Variants in HCN1 observed in about 807,000 individuals in gnomAD.
The protein encoded by HCN1 is potassium/sodium hyperpolarization-activated cyclic nucleotide-gated channel 1.
In HCN1, 13 loss-of-function variants were observed where a neutral mutation model predicts 78.9. The ratio of observed to expected loss-of-function variants is 0.16; its 90% CI spans 0.11 to 0.26. The LOEUF is 0.26. Ranked by LOEUF, HCN1 falls within the 10% of genes least tolerant of loss-of-function variation. The pLI is 1.00. For synonymous variants in HCN1, 552 were observed against 455.5 expected, an observed-to-expected ratio of 1.21 and a Z score of -2.70; for missense variants, 810 against 1,154.3, an observed-to-expected ratio of 0.70 and a Z score of 4.32.
intron 3 of HCN1, among the ~76,000 whole-genome samples, chr5:45,455,078 T>C (rs192338858): frequency 2.4e-3 from 361 of 152,112 alleles, no homozygotes; most frequent in African/African-American, 8.2e-3. Context: ...CGGTTTTTCA[T>C]AGATTTTATT....
At chr5:45,595,368 T>C (rs909775730) in intron 2 of HCN1, among the ~76,000 whole-genome samples, 11 of 152,128 alleles carry the variant, frequency 7.2e-5, no homozygotes, top group Non-Finnish European at 1.5e-4. Context: ...GACAGAGCCT[T>C]GCTCTGTTGC....
intron 2 of HCN1, among the ~76,000 whole-genome samples, chr5:45,532,865 G>A (rs1004464137): frequency 6.6e-6 from 1 of 152,132 alleles, no homozygotes; most frequent in African/African-American, 2.4e-5. Flanking sequence ...CCTTGCAAAT[G>A]GAACTTTGTG....
At chr5:45,497,545 C>G (rs1332871300) in intron 2 of HCN1, among the ~76,000 whole-genome samples, 2 of 151,848 alleles carry the variant, frequency 1.3e-5, no homozygotes, top group Non-Finnish European at 2.9e-5. Context: ...TTTTGTTTTC[C>G]ATTGGCTTGG....
intron 5 of HCN1, among the ~76,000 whole-genome samples, chr5:45,340,905 T>C (rs915934014): frequency 6.6e-6 from 1 of 152,170 alleles, no homozygotes; most frequent in Non-Finnish European, 1.5e-5. Context: ...GAAGCTTGGA[T>C]GGAAGAATGA....
intron 1 of HCN1, among the ~76,000 whole-genome samples, chr5:45,657,824 T>C (rs982804540): frequency 6.6e-6 from 1 of 152,170 alleles, no homozygotes; most frequent in African/African-American, 2.4e-5. Context: ...CCCAAGGTAA[T>C]TTATAGATTC....
chr5:45,432,571 T>C (rs1388370650), intron 3 of HCN1, among the ~76,000 whole-genome samples: 6 of 152,126 alleles, frequency 3.9e-5, no homozygotes, highest in Admixed American at 6.5e-5. Context: ...CCAGTTTTCA[T>C]TGGGAATACT....
chr5:45,382,351 T>A (rs1747828021), intron 4 of HCN1, among the ~76,000 whole-genome samples: 1 of 152,178 alleles, frequency 6.6e-6, no homozygotes, highest in East Asian at 1.9e-4. Flanking sequence ...TTGTCATGTT[T>A]AATATGGTAC....
At chr5:45,350,288 A>G (rs1408297545) in intron 5 of HCN1, among the ~76,000 whole-genome samples, 1 of 152,194 alleles carries the variant, frequency 6.6e-6, no homozygotes, top group Non-Finnish European at 1.5e-5. Flanking sequence ...TGATTATCTC[A>G]ATAGATGCAG....
At chr5:45,542,019 A>G (rs1338220446) in intron 2 of HCN1, among the ~76,000 whole-genome samples, 1 of 152,176 alleles carries the variant, frequency 6.6e-6, no homozygotes, top group Non-Finnish European at 1.5e-5. Flanking sequence ...TACATTAACC[A>G]TAACATAGAT....
At chr5:45,454,006 G>A (rs1042564296) in intron 3 of HCN1, among the ~76,000 whole-genome samples, 1 of 152,078 alleles carries the variant, frequency 6.6e-6, no homozygotes, top group African/African-American at 2.4e-5. Flanking sequence ...GCCAGTCTAT[G>A]TAAGCGGGAA....
intron 6 of HCN1, among the ~76,000 whole-genome samples, chr5:45,296,107 TA>T (rs1448851785): frequency 1.3e-5 from 2 of 152,000 alleles, no homozygotes; most frequent in African/African-American, 4.8e-5. Flanking sequence ...TGAATGAGAT[TA>T]AAAGCTCTGA....
intron 5 of HCN1, among the ~76,000 whole-genome samples, chr5:45,319,551 A>G (rs1746078704): frequency 6.6e-6 from 1 of 151,692 alleles, no homozygotes; most frequent in Admixed American, 6.6e-5. Flanking sequence ...CCCTTTTTCT[A>G]TGTTAAGAGT....
intron 2 of HCN1, among the ~76,000 whole-genome samples, chr5:45,529,603 A>C (rs1742799754): frequency 6.6e-6 from 1 of 152,078 alleles, no homozygotes; most frequent in African/African-American, 2.4e-5. Flanking sequence ...AGTCATTTTG[A>C]TCAAATCCAA....
chr5:45,573,775 C>T (rs984186024), intron 2 of HCN1, among the ~76,000 whole-genome samples: 11 of 151,770 alleles, frequency 7.2e-5, no homozygotes, highest in Non-Finnish European at 1.3e-4. Flanking sequence ...AAATTACATT[C>T]GCAGTAGTAT....
intron 2 of HCN1, among the ~76,000 whole-genome samples, chr5:45,524,911 A>T (rs1419131136): frequency 2.6e-5 from 4 of 152,166 alleles, no homozygotes; most frequent in Non-Finnish European, 5.9e-5. Flanking sequence ...AGGAGTGGTG[A>T]GAGAGGGCAT....
chr5:45,451,876 T>C (rs1008703660), intron 3 of HCN1, among the ~76,000 whole-genome samples: 1 of 152,060 alleles, frequency 6.6e-6, no homozygotes, highest in Admixed American at 6.5e-5. Context: ...GATTTTAGAT[T>C]ATCACATTGA....
chr5:45,623,368 T>A (rs564412744), intron 2 of HCN1, among the ~76,000 whole-genome samples: 1 of 152,270 alleles, frequency 6.6e-6, no homozygotes, highest in South Asian at 2.1e-4. Flanking sequence ...ACAAGTTCAC[T>A]TTGTCTCTTC....
chr5:45,611,571 C>G (rs1206243834), intron 2 of HCN1, among the ~76,000 whole-genome samples: 2 of 151,780 alleles, frequency 1.3e-5, no homozygotes, highest in African/African-American at 2.4e-5. Context: ...GGTGCCTGGC[C>G]CCTACCATTA....
intron 3 of HCN1, among the ~76,000 whole-genome samples, chr5:45,404,646 G>A (rs1047603292): frequency 8.5e-5 from 10 of 117,524 alleles, no homozygotes; most frequent in Non-Finnish European, 1.3e-4. Flanking sequence ...TAGTCATCCT[G>A]TCCATATTGT....
Sources: gnomAD v4.1 joint callset for allele counts (sites outside exome capture counted in the v4.1 genomes callset) on GRCh38, gnomAD v4.1.1 for gene constraint, MANE v1.5 for transcripts, NCBI Gene and HGNC (gene_info 2026-07-23, HGNC 2026-07-21) for gene names.